JARID2: variants seen among roughly 807,000 people sequenced by gnomAD.
The protein encoded by JARID2 is jumonji and AT-rich interaction domain containing 2.
JARID2 carries 21 observed loss-of-function variants against 125.6 expected under a neutral mutation model. The ratio of observed to expected loss-of-function variants is 0.17; its 90% CI spans 0.12 to 0.24. The LOEUF is 0.24. Ranked by LOEUF, JARID2 falls within the 10% of genes least tolerant of loss-of-function variation. The probability of loss-of-function intolerance (pLI) is 1.00; values close to 1 mark genes in which losing one functional copy is unlikely to be tolerated. For synonymous variants in JARID2, 736 were observed against 661.6 expected (o/e 1.11, Z -1.73); for missense variants, 1,303 against 1,639.6 (o/e 0.79, Z 3.55).
chr6:15,460,362 T>C (rs1360515871), intron 4 of JARID2, among the ~76,000 whole-genome samples: 1 of 152,138 alleles, frequency 6.6e-6, no homozygotes, highest in African/African-American at 2.4e-5. Context: ...AGGCTTCCTT[T>C]TTGCTGCCAG....
intron 1 of JARID2, among the ~76,000 whole-genome samples, chr6:15,366,380 C>T (rs1581462437): frequency 6.6e-6 from 1 of 151,632 alleles, no homozygotes; most frequent in Non-Finnish European, 1.5e-5. Flanking sequence ...CATCCTTAAT[C>T]CCATGATATG....
At chr6:15,422,283 T>C (rs1323427247) in intron 3 of JARID2, among the ~76,000 whole-genome samples, 6 of 152,214 alleles carry the variant, frequency 3.9e-5, no homozygotes, top group Admixed American at 3.9e-4. Flanking sequence ...TGCAGTGAGC[T>C]GGAGTTGGTA....
At chr6:15,382,234 G>C (rs1426460258) in intron 2 of JARID2, among the ~76,000 whole-genome samples, 1 of 152,240 alleles carries the variant, frequency 6.6e-6, no homozygotes, top group African/African-American at 2.4e-5. Flanking sequence ...CTGCACTCCA[G>C]CCTAGGCAAC....
chr6:15,454,850 G>A (rs886589207), intron 4 of JARID2, among the ~76,000 whole-genome samples: 2 of 152,118 alleles, frequency 1.3e-5, no homozygotes, highest in African/African-American at 2.4e-5. Flanking sequence ...TGGAAAGGAA[G>A]CTGTGAGAAC....
intron 1 of JARID2, among the ~76,000 whole-genome samples, chr6:15,269,620 AG>A (rs1760221987): frequency 6.9e-6 from 1 of 145,616 alleles, no homozygotes; most frequent in Non-Finnish European, 1.5e-5. Context: ...ATTGTTTCCC[AG>A]GTTGGGTATG....
intron 1 of JARID2, among the ~76,000 whole-genome samples, chr6:15,337,999 C>A (rs1762937340): frequency 6.6e-6 from 1 of 152,220 alleles, no homozygotes; most frequent in African/African-American, 2.4e-5. Flanking sequence ...AAATCCTCCA[C>A]CTCACGGAAG....
Position 15,520,925 on chromosome 6 carries a change from G to C in JARID2, c.*674G>C, listed in dbSNP as rs190334024. 29 of 432,034 alleles carry C rather than the reference G, an allele frequency of 6.7e-5. No homozygotes were observed. The highest frequency in any genetic ancestry group is 5.9e-4 in the Admixed American group (24 of 40,868). 26.8% of individuals were successfully genotyped at this position (432,034 alleles called of 1,614,324 possible). ...ATCTGTTCCAGGAAAGAAGAAAAGC[G>C]AGCGAGGAAGACGGAAAAGACTGCC... On this transcript the variant is annotated 3_prime_UTR_variant, in exon 18 of 18. Coordinates refer to ENST00000341776, the MANE Select transcript of JARID2 (RefSeq NM_004973.4).
intron 1 of JARID2, among the ~76,000 whole-genome samples, chr6:15,255,749 A>T (rs973727733): frequency 1.3e-5 from 2 of 152,180 alleles, no homozygotes; most frequent in South Asian, 4.1e-4. Context: ...TGTTTCTTGC[A>T]TTTAGTCCTT....
chr6:15,340,562 A>G (rs1187802432), intron 1 of JARID2, among the ~76,000 whole-genome samples: 2 of 152,190 alleles, frequency 1.3e-5, no homozygotes, highest in African/African-American at 2.4e-5. Flanking sequence ...TAGTGGATGG[A>G]TATTGGAGAA....
chr6:15,473,121 A>G (rs910547136), intron 5 of JARID2, among the ~76,000 whole-genome samples: 1 of 152,216 alleles, frequency 6.6e-6, no homozygotes, highest in Non-Finnish European at 1.5e-5. Context: ...AGAGAGCTCA[A>G]ACTCATTTTA....
intron 3 of JARID2, among the ~76,000 whole-genome samples, chr6:15,414,822 T>G (rs187513095): frequency 6.6e-6 from 1 of 152,202 alleles, no homozygotes; most frequent in Non-Finnish European, 1.5e-5. Context: ...TTGTTTGTTT[T>G]TATTTATTTT....
At chr6:15,488,933 CG>C (rs1770013421) in intron 6 of JARID2, among the ~76,000 whole-genome samples, 1 of 152,120 alleles carries the variant, frequency 6.6e-6, no homozygotes, top group Admixed American at 6.5e-5. Flanking sequence ...CATTGGGCCC[CG>C]GATTGTCAGC....
chr6:15,458,661 C>G (rs773532126), intron 4 of JARID2, among the ~76,000 whole-genome samples: 6 of 152,094 alleles, frequency 3.9e-5, no homozygotes, highest in African/African-American at 1.4e-4. Context: ...ACAATAAATG[C>G]GTGAAAATGC....
chr6:15,395,709 G>C (rs943745966), intron 2 of JARID2, among the ~76,000 whole-genome samples: 2 of 151,742 alleles, frequency 1.3e-5, no homozygotes, highest in African/African-American at 4.8e-5. Context: ...TCTGTCACCA[G>C]GCTGGAGTGC....
intron 5 of JARID2, among the ~76,000 whole-genome samples, chr6:15,476,648 A>G (rs573452984): frequency 3.9e-5 from 6 of 152,316 alleles, no homozygotes; most frequent in Non-Finnish European, 7.4e-5. Flanking sequence ...TTGGGTTAGC[A>G]CTCAAGGGTT....
rs1435011408 is a variant in JARID2, at chr6:15,521,633, C to T, written c.*1382C>T. On this transcript the variant is annotated 3_prime_UTR_variant, in exon 18 of 18. Transcript: ENST00000341776. ...GAATAAAAAAGGGAAACTGTTTTCA[C>T]AAGCTGTTCTTTGTTTCATAATTGG... 6.6e-6 allele frequency: 1 copy of T among 152,232 alleles called. No individual in the cohort carries two copies. Among genetic ancestry groups the T allele is most frequent in the Non-Finnish European group, 1.5e-5 (1 of 68,050 alleles). 9.4% of individuals were successfully genotyped at this position (152,232 alleles called of 1,614,324 possible). A position where few individuals can be genotyped will look rare whatever the true frequency, so the allele number is the denominator to read the frequency against.
At chr6:15,278,713 C>A (rs1014221038) in intron 1 of JARID2, among the ~76,000 whole-genome samples, 1 of 152,214 alleles carries the variant, frequency 6.6e-6, no homozygotes, top group Non-Finnish European at 1.5e-5. Flanking sequence ...CCATCCCTGC[C>A]AGTCTCATAT....
intron 1 of JARID2, among the ~76,000 whole-genome samples, chr6:15,307,447 G>A (rs1286316304): frequency 1.3e-5 from 2 of 152,008 alleles, no homozygotes; most frequent in African/African-American, 4.8e-5. Context: ...GGTCTCAGAC[G>A]ACATCAGGTG....
In JARID2 at chr6:15,496,247, C is replaced by T. The variant is rs560504507; in HGVS notation, c.1022C>T (p.Thr341Met). 1.7e-5 allele frequency: 28 copies of T among 1,614,150 alleles called. No homozygotes were observed. The highest frequency in any genetic ancestry group is 8.0e-5 in the African/African-American group (6 of 75,018). ...SPSKTVKYTA[T>M]VTKGAVTYTK... Reference sequence around the variant, plus strand: ...TCCAAAACTGTGAAGTACACTGCCACGGTGACGAAGGGGGCTGTCACATAC... The same window carrying T: ...TCCAAAACTGTGAAGTACACTGCCATGGTGACGAAGGGGGCTGTCACATAC... Residue 341 changes from threonine (T) to methionine (M), a missense_variant, in exon 7 of 18, where the codon ACG becomes ATG. Transcript: ENST00000341776.
Sources: gnomAD v4.1 joint callset for allele counts (sites outside exome capture counted in the v4.1 genomes callset) on GRCh38, gnomAD v4.1.1 for gene constraint, MANE v1.5 for transcripts, NCBI Gene and HGNC (gene_info 2026-07-23, HGNC 2026-07-21) for gene names.